The following RBMS3 variants were observed in gnomAD, a reference collection of about 807,000 sequenced individuals.
RBMS3 encodes the protein RNA-binding motif, single-stranded-interacting protein 3.
RBMS3 carries 27 observed loss-of-function variants against 66.8 expected under a neutral mutation model. The observed-to-expected ratio is 0.40, with a 90% CI of 0.30 to 0.56. RBMS3 has a LOEUF of 0.56. Ranked by LOEUF, RBMS3 falls within the 20% of genes least tolerant of loss-of-function variation. The probability of loss-of-function intolerance (pLI) is 0.40; values close to 1 mark genes in which losing one functional copy is unlikely to be tolerated. For missense variants in RBMS3, 513 were observed against 549.5 expected (o/e 0.93, Z 0.66); for synonymous variants, 188 against 183.0 (o/e 1.03, Z -0.22).
intron 1 of RBMS3, among the ~76,000 whole-genome samples, chr3:29,398,993 C>T (rs981782675): frequency 2.0e-5 from 3 of 152,110 alleles, no homozygotes; most frequent in Admixed American, 6.6e-5. Flanking sequence ...CTCTCCTCAG[C>T]GTTTCCATTT....
intron 6 of RBMS3, among the ~76,000 whole-genome samples, chr3:29,851,931 A>G (rs2058944671): frequency 6.6e-6 from 1 of 152,236 alleles, no homozygotes; most frequent in Admixed American, 6.5e-5. Context: ...TTCAAACTAT[A>G]CTACATAGCT....
At chr3:29,337,012 A>G (rs1422112169) in intron 1 of RBMS3, among the ~76,000 whole-genome samples, 1 of 152,154 alleles carries the variant, frequency 6.6e-6, no homozygotes, top group Non-Finnish European at 1.5e-5. Context: ...CTCTAATTAT[A>G]ATTTCATTGT....
At chr3:29,625,194 A>G (rs1401804652) in intron 4 of RBMS3, among the ~76,000 whole-genome samples, 1 of 152,182 alleles carries the variant, frequency 6.6e-6, no homozygotes, top group Non-Finnish European at 1.5e-5. Context: ...ACCCAGTCTC[A>G]GGTAGTTCTC....
At chr3:29,289,396 A>T (rs2125420589) in intron 1 of RBMS3, among the ~76,000 whole-genome samples, 1 of 152,082 alleles carries the variant, frequency 6.6e-6, no homozygotes, top group East Asian at 1.9e-4. Flanking sequence ...TCAAATGTGT[A>T]AAGGCCATTT....
intron 3 of RBMS3, among the ~76,000 whole-genome samples, chr3:29,553,053 G>GT (rs1410162192): frequency 6.6e-6 from 1 of 152,154 alleles, no homozygotes. Flanking sequence ...CTCATAGGCA[G>GT]TTTTGAGCAT....
chr3:29,776,548 C>G lies in RBMS3; in HGVS notation c.637+13559C>G, dbSNP rs140580710. On this transcript the variant is annotated intron_variant, in intron 6 of 14. Coordinates refer to ENST00000383767, the MANE Select transcript of RBMS3 (RefSeq NM_001003793.3). ...ACCTAATTGTCCCATTTGATGTTAACAATATCTCCTTTACAAGTGTTTCTA... is the reference window on the plus strand; with the variant it reads ...ACCTAATTGTCCCATTTGATGTTAAGAATATCTCCTTTACAAGTGTTTCTA... Among the ~76,000 whole-genome samples, 917 of 152,036 alleles carry G rather than the reference C, an allele frequency of 6.0e-3. 12 individuals carry two copies. Among genetic ancestry groups the G allele is most frequent in the Middle Eastern group, 0.031 (9 of 294 alleles).
At chr3:29,485,245 A>G (rs993251379) in intron 2 of RBMS3, among the ~76,000 whole-genome samples, 11 of 152,212 alleles carry the variant, frequency 7.2e-5, no homozygotes, top group Non-Finnish European at 1.3e-4. Flanking sequence ...ATTAAATATG[A>G]AAATTGTATT....
At chr3:29,746,554 C>A (rs529340423) in intron 5 of RBMS3, among the ~76,000 whole-genome samples, 3 of 152,298 alleles carry the variant, frequency 2.0e-5, no homozygotes, top group Admixed American at 2.0e-4. Flanking sequence ...GGACCCCCTG[C>A]AGCTTCTTCA....
At chr3:29,893,360 A>G (rs959596120) in intron 8 of RBMS3, among the ~76,000 whole-genome samples, 2 of 151,488 alleles carry the variant, frequency 1.3e-5, no homozygotes, top group Non-Finnish European at 3.0e-5. Flanking sequence ...TGTTTTCCCC[A>G]TAGAATTTCC....
At chr3:29,364,434 CT>C in intron 1 of RBMS3, among the ~76,000 whole-genome samples, 1 of 152,142 alleles carries the variant, frequency 6.6e-6, no homozygotes, top group East Asian at 1.9e-4. Context: ...CACAGTATGT[CT>C]TATCTAGGTA....
At chr3:29,838,514 G>A (rs2058584531) in intron 6 of RBMS3, among the ~76,000 whole-genome samples, 1 of 151,958 alleles carries the variant, frequency 6.6e-6, no homozygotes, top group Admixed American at 6.6e-5. Context: ...GTATTAAAAT[G>A]GAAAATCTTA....
intron 10 of RBMS3, among the ~76,000 whole-genome samples, chr3:29,929,557 A>G (rs2061051836): frequency 6.6e-6 from 1 of 151,212 alleles, no homozygotes; most frequent in South Asian, 2.1e-4. Context: ...GGCTAAAACT[A>G]ATTTGGCTTT....
At chr3:29,478,894 C>T (rs1180429305) in intron 2 of RBMS3, among the ~76,000 whole-genome samples, 2 of 152,154 alleles carry the variant, frequency 1.3e-5, no homozygotes, top group African/African-American at 2.4e-5. Flanking sequence ...AAATATGCAG[C>T]TATGTTATTT....
intron 4 of RBMS3, among the ~76,000 whole-genome samples, chr3:29,610,523 C>G (rs2048458762): frequency 6.6e-6 from 1 of 152,158 alleles, no homozygotes; most frequent in Admixed American, 6.6e-5. Context: ...TTCCTTGATC[C>G]TTTCTAGCTT....
intron 1 of RBMS3, among the ~76,000 whole-genome samples, chr3:29,384,144 C>T (rs914928244): frequency 2.0e-5 from 3 of 151,888 alleles, no homozygotes; most frequent in African/African-American, 7.3e-5. Flanking sequence ...GGTGAAACAG[C>T]ATATCTACAA....
chr3:29,362,474 C>A (rs994301798), intron 1 of RBMS3, among the ~76,000 whole-genome samples: 5 of 152,206 alleles, frequency 3.3e-5, no homozygotes, highest in African/African-American at 1.2e-4. Context: ...GGCTGCCTCC[C>A]AGATAGGCTG....
chr3:29,380,929 G>C (rs752633993), intron 1 of RBMS3, among the ~76,000 whole-genome samples: 9 of 152,122 alleles, frequency 5.9e-5, no homozygotes, highest in African/African-American at 1.9e-4. Context: ...GAGATAAGTG[G>C]TGCTTCACCT....
At chr3:29,535,811 T>C (rs1318162125) in intron 3 of RBMS3, among the ~76,000 whole-genome samples, 1 of 142,522 alleles carries the variant, frequency 7.0e-6, no homozygotes, top group African/African-American at 2.6e-5. Flanking sequence ...ACTGCATGGC[T>C]CCCTTCATGG....
intron 3 of RBMS3, among the ~76,000 whole-genome samples, chr3:29,501,301 C>G (rs947089596): frequency 1.3e-5 from 2 of 152,108 alleles, no homozygotes; most frequent in East Asian, 3.8e-4. Context: ...TTTATGGTGT[C>G]CAGGTCAGTC....
Sources: gnomAD v4.1 joint callset for allele counts (sites outside exome capture counted in the v4.1 genomes callset) on GRCh38, gnomAD v4.1.1 for gene constraint, MANE v1.5 for transcripts, NCBI Gene and HGNC (gene_info 2026-07-23, HGNC 2026-07-21) for gene names.